Variants in RAB3C observed in about 807,000 individuals in gnomAD.
RAB3C encodes the protein RAB3C, member RAS oncogene family.
In RAB3C, 17 loss-of-function variants were observed where a neutral mutation model predicts 26.4. The ratio of observed to expected loss-of-function variants is 0.64; its 90% CI spans 0.44 to 0.97. The LOEUF (loss-of-function observed/expected upper bound fraction) is 0.97, where lower values mean the gene tolerates loss of function less well. Among genes scored for constraint, RAB3C ranks in the 50% least tolerant of loss-of-function variants. The pLI, the probability that RAB3C is intolerant of heterozygous loss-of-function variation, is 0.00. For missense variants in RAB3C, 242 were observed against 281.9 expected, an observed-to-expected ratio of 0.86 and a Z score of 1.01; for synonymous variants, 91 against 95.9, an observed-to-expected ratio of 0.95 and a Z score of 0.30.
At chr5:58,845,612 ATGTGTGTGTGTGTGTG>A (rs1289870360) in intron 4 of RAB3C, among the ~76,000 whole-genome samples, 7 of 81,698 alleles carry the variant, frequency 8.6e-5, no homozygotes, top group Admixed American at 2.4e-4. Context: ...ATATATATAT[ATGTGTGTGTGTGTGTG>A]TGTATATGTA....
chr5:58,837,281 A>G (rs540969579), intron 4 of RAB3C, among the ~76,000 whole-genome samples: 2 of 151,726 alleles, frequency 1.3e-5, no homozygotes, highest in South Asian at 4.2e-4. Flanking sequence ...TCCCAGGTTC[A>G]AGCAATTCTC....
intron 3 of RAB3C, among the ~76,000 whole-genome samples, chr5:58,781,338 G>A (rs1742265394): frequency 6.6e-6 from 1 of 151,872 alleles, no homozygotes; most frequent in African/African-American, 2.4e-5. Context: ...TATTACTTTA[G>A]TTTCTTTTAT....
intron 3 of RAB3C, among the ~76,000 whole-genome samples, chr5:58,761,744 A>C (rs989769974): frequency 6.6e-6 from 1 of 152,196 alleles, no homozygotes; most frequent in East Asian, 1.9e-4. Flanking sequence ...TGTTTAATGC[A>C]GCTGTTTCAT....
At chr5:58,804,009 G>A (rs1207003797) in intron 3 of RAB3C, among the ~76,000 whole-genome samples, 1 of 150,866 alleles carries the variant, frequency 6.6e-6, no homozygotes, top group Admixed American at 6.6e-5. Context: ...GCAGTGAGCC[G>A]AGATCGTGCC....
intron 3 of RAB3C, among the ~76,000 whole-genome samples, chr5:58,810,677 A>G (rs1396376577): frequency 2.0e-5 from 3 of 151,774 alleles, no homozygotes; most frequent in African/African-American, 7.3e-5. Flanking sequence ...ACTCACTGCA[A>G]CCCCCACCTC....
intron 2 of RAB3C, among the ~76,000 whole-genome samples, chr5:58,717,019 G>A (rs1264382088): frequency 6.6e-6 from 1 of 152,034 alleles, no homozygotes; most frequent in Admixed American, 6.6e-5. Flanking sequence ...TGCACCACTC[G>A]GGTGGGGGAT....
intron 3 of RAB3C, among the ~76,000 whole-genome samples, chr5:58,797,663 A>G (rs1382565869): frequency 1.3e-5 from 2 of 152,020 alleles, no homozygotes; most frequent in Non-Finnish European, 2.9e-5. Context: ...GGGTCTTGAG[A>G]TGGAAGCAGA....
At chr5:58,590,993 T>C (rs1746116498) in intron 1 of RAB3C, among the ~76,000 whole-genome samples, 1 of 152,240 alleles carries the variant, frequency 6.6e-6, no homozygotes. Context: ...TTGGCACTTA[T>C]GATGTTTTTG....
chr5:58,632,533 A>G (rs767716406), intron 2 of RAB3C, among the ~76,000 whole-genome samples: 4 of 152,186 alleles, frequency 2.6e-5, no homozygotes, highest in African/African-American at 9.6e-5. Flanking sequence ...ACTTCAGTCT[A>G]TAAACATTGA....
At chr5:58,670,113 T>C (rs1748081914) in intron 2 of RAB3C, among the ~76,000 whole-genome samples, 1 of 152,138 alleles carries the variant, frequency 6.6e-6, no homozygotes, top group Non-Finnish European at 1.5e-5. Context: ...ATTGAGTCTT[T>C]GGGGAATCTG....
At chr5:58,837,422 C>T (rs570788394) in intron 4 of RAB3C, among the ~76,000 whole-genome samples, 541 of 151,212 alleles carry the variant, frequency 3.6e-3, no homozygotes, top group Non-Finnish European at 6.2e-3. Context: ...CCTCAAGTGA[C>T]CCGCCCCTCT....
intron 2 of RAB3C, among the ~76,000 whole-genome samples, chr5:58,702,596 C>G (rs202138015): frequency 1.9e-5 from 2 of 106,504 alleles, no homozygotes; most frequent in Admixed American, 8.9e-5. Context: ...TTTTCTTTCT[C>G]TCTCTCCTGC....
intron 3 of RAB3C, among the ~76,000 whole-genome samples, chr5:58,732,789 T>C (rs1741055750): frequency 6.6e-6 from 1 of 152,184 alleles, no homozygotes; most frequent in African/African-American, 2.4e-5. Context: ...ATCCAATATT[T>C]TGGAAACCAG....
chr5:58,759,373 G>A (rs939405352), intron 3 of RAB3C, among the ~76,000 whole-genome samples: 2 of 152,114 alleles, frequency 1.3e-5, no homozygotes, highest in African/African-American at 2.4e-5. Context: ...CATGCAATAG[G>A]TGCAACGTCA....
intron 2 of RAB3C, among the ~76,000 whole-genome samples, chr5:58,624,026 A>G (rs1045797980): frequency 4.3e-4 from 65 of 152,280 alleles, no homozygotes; most frequent in African/African-American, 1.4e-3. Context: ...CAAACCAGGC[A>G]CTCACAAATG....
intron 1 of RAB3C, among the ~76,000 whole-genome samples, chr5:58,593,913 G>T (rs1746189582): frequency 1.3e-5 from 2 of 152,138 alleles, no homozygotes; most frequent in South Asian, 4.1e-4. Context: ...AGTAACTTAG[G>T]TCTAGCGACC....
At chr5:58,848,915 T>C (rs549565957) in intron 4 of RAB3C, among the ~76,000 whole-genome samples, 1 of 152,196 alleles carries the variant, frequency 6.6e-6, no homozygotes, top group Non-Finnish European at 1.5e-5. Flanking sequence ...GCATGCTGAA[T>C]AAATAGGTGC....
intron 3 of RAB3C, among the ~76,000 whole-genome samples, chr5:58,731,795 A>G (rs1168786490): frequency 1.3e-5 from 2 of 152,100 alleles, no homozygotes; most frequent in African/African-American, 4.8e-5. Context: ...TGGGACTTTA[A>G]CTCTTCCACA....
At chr5:58,668,565 T>C (rs1341911030) in intron 2 of RAB3C, among the ~76,000 whole-genome samples, 3 of 152,150 alleles carry the variant, frequency 2.0e-5, no homozygotes, top group Admixed American at 6.5e-5. Flanking sequence ...TTTCAAATCC[T>C]GTCTTCTGAG....
Sources: gnomAD v4.1 joint callset for allele counts (sites outside exome capture counted in the v4.1 genomes callset) on GRCh38, gnomAD v4.1.1 for gene constraint, MANE v1.5 for transcripts, NCBI Gene and HGNC (gene_info 2026-07-23, HGNC 2026-07-21) for gene names.